Variants in CDCP2 observed in about 807,000 individuals in gnomAD.
The protein encoded by CDCP2 is CUB domain-containing protein 2.
Under a neutral mutation model 31.0 loss-of-function variants are expected in CDCP2, and 31 were observed. That is an observed-to-expected ratio of 1.00 (90% CI 0.75 to 1.35). The LOEUF is 1.35. Among genes scored for constraint, CDCP2 ranks in the 40% most tolerant of loss-of-function variants. CDCP2 has a pLI of 0.00. For synonymous variants in CDCP2, 206 were observed against 207.9 expected (o/e 0.99, Z 0.08); for missense variants, 443 against 482.6 (o/e 0.92, Z 0.77).
rs150384461 is a variant in CDCP2, at chr1:54,134,988, G to T, written c.1296+1642C>A. ...TTTTATGGACTAGGTGACTTTATGT[G>T]TCTATTCCAACTTTGGGCTTCCAAA... is the stretch of plus-strand genomic sequence containing the variant. On this transcript the variant is annotated intron_variant, in intron 5 of 5. Transcript: ENST00000530059. Among the ~76,000 whole-genome samples, 274 of 152,220 alleles carry T rather than the reference G, an allele frequency of 1.8e-3. 3 individuals are homozygous for T. The highest frequency in any genetic ancestry group is 6.3e-3 in the African/African-American group (260 of 41,534).
intron 1 of CDCP2, among the ~76,000 whole-genome samples, chr1:54,151,709 G>A (rs536223933): frequency 1.3e-5 from 2 of 152,286 alleles, no homozygotes; most frequent in East Asian, 1.9e-4. Flanking sequence ...GAGCCTTGCC[G>A]AAGGGTGAAA....
In CDCP2 at chr1:54,145,977, GACAGTATTTTGACCAC is replaced by G. The variant is rs142899793; in HGVS notation, c.80-1180_80-1165del. Among the ~76,000 whole-genome samples the G allele has an allele frequency of 9.3e-3, 1,413 of 152,264 alleles. 19 individuals carry two copies. Among genetic ancestry groups the G allele is most frequent in the African/African-American group, 0.033 (1,355 of 41,558 alleles). On this transcript the variant is annotated intron_variant, in intron 1 of 5. Transcript: ENST00000530059. ...AAAATGATTTCAAATGACTTTGAAAGACAGTATTTTGACCACACAGTCCTAGTGGGATATATCTCAA... is the reference window on the plus strand; with the variant it reads ...AAAATGATTTCAAATGACTTTGAAAGACAGTCCTAGTGGGATATATCTCAA...
At chr1:54,144,841 A>C (rs780552370) in intron 1 of CDCP2, 28 bp from the exon 2 acceptor site, 7 of 1,561,266 alleles carry the variant, frequency 4.5e-6, no homozygotes, top group Non-Finnish European at 5.2e-6. Context: ...TATGGCTGAG[A>C]CTCCGTGCTG....
chr1:54,133,913 C>CAAAAAAAA (rs1553173250), intron 5 of CDCP2, among the ~76,000 whole-genome samples: 1 of 144,782 alleles, frequency 6.9e-6, no homozygotes, highest in African/African-American at 2.6e-5. Context: ...AACAAACAAA[C>CAAAAAAAA]AAAAAAAACC....
chr1:54,150,766 T>A (rs1298449384), intron 1 of CDCP2, among the ~76,000 whole-genome samples: 1 of 152,214 alleles, frequency 6.6e-6, no homozygotes, highest in East Asian at 1.9e-4. Context: ...ACAGAGCCAA[T>A]GTATTCTTCT....
Position 54,147,846 on chromosome 1 carries a change from CA to C in CDCP2, c.80-3034del, listed in dbSNP as rs949726999. ...CAACATAGTAAGACCCCCATCTCTA[CA>C]AAAAAAATTTAAAAATTAGCCGGGC... On this transcript the variant is annotated intron_variant, in intron 1 of 5. Transcript: ENST00000530059. 7.3e-5 allele frequency among the ~76,000 whole-genome samples: 11 copies of C among 150,428 alleles called. 1 individual carries two copies. Among genetic ancestry groups the C allele is most frequent in the African/African-American group, 9.9e-5 (4 of 40,506 alleles).
chr1:54,145,227 A>T lies in CDCP2; in HGVS notation c.80-414T>A, dbSNP rs1261600759. Reference sequence around the variant, plus strand: ...CAGATCACAAGGTCAGGAGTTCGAGACCAGCCTGGCCAATATAGTAAAATC... The same window carrying T: ...CAGATCACAAGGTCAGGAGTTCGAGTCCAGCCTGGCCAATATAGTAAAATC... On this transcript the variant is annotated intron_variant, in intron 1 of 5. Coordinates refer to ENST00000530059, the Ensembl canonical transcript of CDCP2. 7.2e-5 allele frequency among the ~76,000 whole-genome samples: 11 copies of T among 152,208 alleles called. No individual in the cohort carries two copies. In the South Asian group the frequency reaches 2.3e-3, roughly 32 times the overall value.
At chr1:54,139,562 G>A (rs755011157) in intron 4 of CDCP2, 191 bp downstream of exon 4, 56 of 1,613,758 alleles carry the variant, frequency 3.5e-5, no homozygotes, top group Admixed American at 5.0e-5. Context: ...GGAAACAAGC[G>A]GGAGCCGTAC....
chr1:54,152,681 T>C (rs1659603862), intron 1 of CDCP2, among the ~76,000 whole-genome samples, 163 bp downstream of exon 1: 1 of 152,194 alleles, frequency 6.6e-6, no homozygotes, highest in Non-Finnish European at 1.5e-5. Flanking sequence ...GCACTCAATA[T>C]TGTCTCCCCC....
At chr1:54,143,627 C>T (rs531766068) in intron 2 of CDCP2, 3 of 152,164 alleles carry the variant, frequency 2.0e-5, no homozygotes, top group Non-Finnish European at 4.4e-5. Flanking sequence ...ACAATTCTAT[C>T]CTTCCAAATG....
Position 54,140,563 on chromosome 1 carries a change from C to A in CDCP2, c.764-457G>T, listed in dbSNP as rs1570062242. 7 of 239,186 alleles carry A rather than the reference C, an allele frequency of 2.9e-5. No homozygotes were observed. The South Asian group carries it at 4.1e-4, about 14-fold the overall frequency. 14.8% of individuals were successfully genotyped at this position (239,186 alleles called of 1,614,324 possible). A position where few individuals can be genotyped will look rare whatever the true frequency, so the allele number is the denominator to read the frequency against. On this transcript the variant is annotated intron_variant, in intron 3 of 5. Transcript: ENST00000530059. ...TGCTGTTCCTCCTGCTTGGAATGCC[C>A]TTCCCTTCTGCTTCCGTCTAACTCC...
At chr1:54,133,252 C>T (rs1433582209) in exon 6 of CDCP2, 1 of 399,128 alleles carries the variant, frequency 2.5e-6, no homozygotes, top group Non-Finnish European at 4.4e-6. Flanking sequence ...GCTGAGAAGT[C>T]GATGTACAGC....
intron 1 of CDCP2, among the ~76,000 whole-genome samples, chr1:54,150,214 T>A (rs1214557094): frequency 6.6e-6 from 1 of 152,302 alleles, no homozygotes; most frequent in African/African-American, 2.4e-5. Context: ...TCCTTTCTGG[T>A]CCCTTGACTG....
At chr1:54,133,480 A>G (rs1659200615) in intron 5 of CDCP2, among the ~76,000 whole-genome samples, 186 bp from the exon 6 acceptor site, 1 of 152,218 alleles carries the variant, frequency 6.6e-6, no homozygotes, top group Admixed American at 6.5e-5. Context: ...TGGAAGGACG[A>G]TATCAGATTT....
intron 1 of CDCP2, among the ~76,000 whole-genome samples, chr1:54,151,081 C>T (rs1264698889): frequency 1.3e-5 from 2 of 152,216 alleles, no homozygotes; most frequent in East Asian, 3.9e-4. Context: ...GGCAAGATTT[C>T]CAGAGGGGGT....
chr1:54,140,868 T>C (rs111394234), intron 3 of CDCP2: 18 of 419,078 alleles, frequency 4.3e-5, no homozygotes, highest in African/African-American at 2.0e-4. Flanking sequence ...AAAAAACTTA[T>C]ATAAGGAGTT....
exon 6 of CDCP2, chr1:54,133,003 T>G (rs1325088885): frequency 2.5e-6 from 1 of 398,882 alleles, no homozygotes; most frequent in African/African-American, 2.1e-5. Context: ...GCAATAACCA[T>G]GAGGATTCCA....
chr1:54,143,687 A>G (rs1465877099), intron 2 of CDCP2: 9 of 152,158 alleles, frequency 5.9e-5, no homozygotes, highest in Non-Finnish European at 1.5e-5. Context: ...CTGTTGGCGG[A>G]CCCTGGGAAC....
At chr1:54,139,308 AG>A (rs1659311408) in intron 4 of CDCP2, 1 of 559,012 alleles carries the variant, frequency 1.8e-6, no homozygotes, top group African/African-American at 1.9e-5. Context: ...CTGTTGAGTG[AG>A]GAAAAACAAG....
Sources: allele counts gnomAD v4.1 joint callset (sites outside exome capture counted in the v4.1 genomes callset), GRCh38; gene constraint gnomAD v4.1.1; transcripts MANE v1.5; gene names NCBI Gene and HGNC (gene_info 2026-07-23, HGNC 2026-07-21).